The following CCDC7 variants were observed in gnomAD, a reference collection of about 807,000 sequenced individuals.
The protein encoded by CCDC7 is coiled-coil domain containing 7.
CCDC7 carries 183 observed loss-of-function variants against 196.9 expected under a neutral mutation model. The ratio of observed to expected loss-of-function variants is 0.93; its 90% confidence interval spans 0.82 to 1.05. The LOEUF is 1.05. Ranked by LOEUF, CCDC7 falls within the 50% of genes least tolerant of loss-of-function variation. The pLI, the probability that CCDC7 is intolerant of heterozygous loss-of-function variation, is 0.00. For synonymous variants in CCDC7, 525 were observed against 484.6 expected (o/e 1.08, Z -1.10); for missense variants, 1,540 against 1,482.2 (o/e 1.04, Z -0.64).
At chr10:32,475,393 G>A (rs1049037346) in intron 8 of CCDC7, among the ~76,000 whole-genome samples, 2 of 152,138 alleles carry the variant, frequency 1.3e-5, no homozygotes, top group African/African-American at 2.4e-5. Context: ...CAGTATTTAA[G>A]TGGTTTAAAG....
chr10:32,476,764 G>A (rs954352101), intron 8 of CCDC7, among the ~76,000 whole-genome samples: 1 of 152,186 alleles, frequency 6.6e-6, no homozygotes, highest in Non-Finnish European at 1.5e-5. Context: ...TAATAGTTGT[G>A]TAGTGATTTT....
At chr10:32,732,537 T>C (rs2084161406) in intron 28 of CCDC7, among the ~76,000 whole-genome samples, 1 of 152,212 alleles carries the variant, frequency 6.6e-6, no homozygotes. Flanking sequence ...TGATTACTTA[T>C]TTCTCTATCT....
chr10:32,822,334 A>G (rs1252331498), intron 31 of CCDC7, among the ~76,000 whole-genome samples: 3 of 152,226 alleles, frequency 2.0e-5, no homozygotes, highest in African/African-American at 7.2e-5. Flanking sequence ...TCAACATGTA[A>G]TATATTCATG....
intron 30 of CCDC7, among the ~76,000 whole-genome samples, chr10:32,808,535 C>T (rs1195700693): frequency 6.6e-6 from 1 of 152,150 alleles, no homozygotes; most frequent in Admixed American, 6.5e-5. Flanking sequence ...ATCATGTACA[C>T]TGTCTGGAGG....
intron 15 of CCDC7, among the ~76,000 whole-genome samples, chr10:32,570,758 G>A (rs16933501): frequency 0.13 from 20,423 of 152,046 alleles, 1,621 homozygotes; most frequent in African/African-American, 0.23. Context: ...TAACTACAGG[G>A]GGAATTAACA....
At chr10:32,619,771 AT>A (rs1190610777) in intron 18 of CCDC7, among the ~76,000 whole-genome samples, 1 of 151,250 alleles carries the variant, frequency 6.6e-6, no homozygotes, top group African/African-American at 2.4e-5. Flanking sequence ...TTTAAAAAAA[AT>A]TTTTTTTGTT....
chr10:32,840,685 G>A (rs1160363620), intron 33 of CCDC7, among the ~76,000 whole-genome samples: 1 of 151,634 alleles, frequency 6.6e-6, no homozygotes. Flanking sequence ...CCAAAACCAG[G>A]GAAGGACATA....
chr10:32,698,851 G>C (rs2078161403), intron 24 of CCDC7, among the ~76,000 whole-genome samples: 1 of 152,094 alleles, frequency 6.6e-6, no homozygotes, highest in African/African-American at 2.4e-5. Flanking sequence ...GAAACACAGA[G>C]AACGCCACAA....
intron 9 of CCDC7, among the ~76,000 whole-genome samples, chr10:32,495,549 T>C (rs2042787364): frequency 6.6e-6 from 1 of 152,204 alleles, no homozygotes; most frequent in African/African-American, 2.4e-5. Flanking sequence ...GTCTAATCCA[T>C]CTTGAGTTAA....
At chr10:32,805,187 T>C in intron 30 of CCDC7, 89 bp downstream of exon 31, 1 of 903,078 alleles carries the variant, frequency 1.1e-6, no homozygotes, top group Non-Finnish European at 1.8e-6. Flanking sequence ...TGGTGCCCAT[T>C]TGTTATTATG....
chr10:32,735,036 CTT>C (rs2084631862), intron 28 of CCDC7, among the ~76,000 whole-genome samples: 1 of 149,098 alleles, frequency 6.7e-6, no homozygotes. Flanking sequence ...TTTACACAGT[CTT>C]TTGTAAACAG....
intron 9 of CCDC7, among the ~76,000 whole-genome samples, chr10:32,510,210 T>C (rs2045894280): frequency 6.6e-6 from 1 of 152,178 alleles, no homozygotes; most frequent in Non-Finnish European, 1.5e-5. Flanking sequence ...TCCTTCCATT[T>C]GTGACAACAT....
intron 20 of CCDC7, among the ~76,000 whole-genome samples, chr10:32,649,485 G>T (rs1321874696): frequency 6.6e-6 from 1 of 152,144 alleles, no homozygotes; most frequent in Non-Finnish European, 1.5e-5. Context: ...TGAATCTGAT[G>T]ATTAATTGCC....
chr10:32,593,153 A>G (rs1034875909), intron 18 of CCDC7, among the ~76,000 whole-genome samples: 3 of 152,192 alleles, frequency 2.0e-5, no homozygotes, highest in Non-Finnish European at 4.4e-5. Flanking sequence ...GAACTAGTTT[A>G]CAGTCCCACC....
At chr10:32,846,498 A>G (rs759715828) in intron 37 of CCDC7, 39 bp downstream of exon 38, 12 of 1,280,480 alleles carry the variant, frequency 9.4e-6, no homozygotes, top group Admixed American at 1.9e-5. Flanking sequence ...TTTGTGACCT[A>G]TTTATGTTCC....
At chr10:32,798,870 C>G (rs2084185552) in intron 29 of CCDC7, among the ~76,000 whole-genome samples, 1 of 152,174 alleles carries the variant, frequency 6.6e-6, no homozygotes, top group Non-Finnish European at 1.5e-5. Flanking sequence ...CATCTGTGAA[C>G]CAGACCCTAC....
intron 30 of CCDC7, among the ~76,000 whole-genome samples, chr10:32,810,498 T>C (rs965989230): frequency 6.6e-6 from 1 of 152,104 alleles, no homozygotes; most frequent in Non-Finnish European, 1.5e-5. Flanking sequence ...TCACCCAACA[T>C]TGAAGCATCC....
In CCDC7 at chr10:32,561,911, A is replaced by C. The variant is rs547656665; in HGVS notation, c.1135-3647A>C. 8.5e-5 allele frequency among the ~76,000 whole-genome samples: 13 copies of C among 152,346 alleles called. No individual in the cohort carries two copies. In the East Asian group the frequency reaches 2.3e-3, roughly 27 times the overall value. On this transcript the variant is annotated intron_variant, in intron 13 of 41. Transcript: ENST00000639629. ...AAATTGATAGACCACTAGCAATATT[A>C]ATAAAGAAGAAAAGAGAGAAGAATC...
intron 18 of CCDC7, among the ~76,000 whole-genome samples, chr10:32,602,329 T>TTC (rs1233991352): frequency 6.6e-6 from 1 of 152,102 alleles, no homozygotes; most frequent in Non-Finnish European, 1.5e-5. Context: ...CACACCATCT[T>TTC]TAAGAGCTGT....
Sources: allele counts gnomAD v4.1 joint callset (sites outside exome capture counted in the v4.1 genomes callset), GRCh38; gene constraint gnomAD v4.1.1; transcripts MANE v1.5; gene names NCBI Gene and HGNC (gene_info 2026-07-23, HGNC 2026-07-21).